The following COP1 variants were observed in gnomAD, a reference collection of about 807,000 sequenced individuals.
The protein encoded by COP1 is E3 ubiquitin-protein ligase COP1.
A neutral mutation model predicts 101.3 loss-of-function variants in COP1; 24 were observed. That is an observed-to-expected ratio of 0.24 (90% confidence interval 0.17 to 0.33). The LOEUF (loss-of-function observed/expected upper bound fraction) is 0.33. Among genes scored for constraint, COP1 ranks in the 10% least tolerant of loss-of-function variants. COP1 has a pLI of 1.00. For synonymous variants in COP1, 347 were observed against 341.9 expected, an observed-to-expected ratio of 1.01 and a Z score of -0.17; for missense variants, 663 against 906.2, an observed-to-expected ratio of 0.73 and a Z score of 3.45.
chr1:176,105,995 G>T (rs960600828), intron 9 of COP1, among the ~76,000 whole-genome samples: 57 of 152,070 alleles, frequency 3.7e-4, no homozygotes, highest in African/African-American at 1.2e-3. Context: ...AACTAACTTT[G>T]GGAGGAACTT....
intron 9 of COP1, among the ~76,000 whole-genome samples, chr1:176,104,737 T>A (rs1684021828): frequency 6.6e-6 from 1 of 152,128 alleles, no homozygotes; most frequent in Admixed American, 6.6e-5. Context: ...TGGAGGGTGG[T>A]TTATTTGGTA....
chr1:176,005,195 G>A (rs1298661743), intron 15 of COP1, among the ~76,000 whole-genome samples: 4 of 152,110 alleles, frequency 2.6e-5, no homozygotes, highest in Non-Finnish European at 5.9e-5. Flanking sequence ...GATCGGTGGT[G>A]ATATCCCGTT....
At chr1:176,048,213 T>TTC (rs1247914222) in intron 11 of COP1, among the ~76,000 whole-genome samples, 1 of 147,350 alleles carries the variant, frequency 6.8e-6, no homozygotes, top group African/African-American at 2.5e-5. Flanking sequence ...TTTTTTTTTT[T>TTC]ACAGAGATGG....
chr1:176,159,029 C>A (rs1226126739), intron 5 of COP1, among the ~76,000 whole-genome samples: 2 of 152,036 alleles, frequency 1.3e-5, no homozygotes, highest in East Asian at 3.8e-4. Context: ...AAAGCAACCA[C>A]TAAAAAGACA....
intron 3 of COP1, among the ~76,000 whole-genome samples, chr1:176,172,198 T>C (rs1199028518): frequency 2.0e-5 from 3 of 152,130 alleles, no homozygotes; most frequent in South Asian, 4.1e-4. Context: ...AACAGCTGCA[T>C]ACCAACACGC....
chr1:175,972,567 C>T (rs949027938), intron 18 of COP1, among the ~76,000 whole-genome samples: 9 of 150,000 alleles, frequency 6.0e-5, no homozygotes, highest in Non-Finnish European at 8.8e-5. Context: ...CGGGTTCAAG[C>T]GATTCTCCTG....
At chr1:176,096,749 A>T (rs1234940249) in intron 9 of COP1, among the ~76,000 whole-genome samples, 4 of 152,178 alleles carry the variant, frequency 2.6e-5, no homozygotes, top group African/African-American at 9.7e-5. Context: ...TAAAGTTTTA[A>T]CTATGAAAAA....
At chr1:176,009,635 G>C (rs1297304465) in intron 15 of COP1, among the ~76,000 whole-genome samples, 1 of 151,986 alleles carries the variant, frequency 6.6e-6, no homozygotes, top group East Asian at 1.9e-4. Flanking sequence ...TAACCAGTTT[G>C]GTATGTTGAG....
intron 18 of COP1, among the ~76,000 whole-genome samples, chr1:175,958,642 G>A (rs561444356): frequency 5.3e-5 from 8 of 150,652 alleles, no homozygotes; most frequent in African/African-American, 1.4e-4. Context: ...TAAGCATTAC[G>A]TTAAATTGAT....
intron 4 of COP1, 100 bp from the exon 5 acceptor site, chr1:176,163,088 T>C: frequency 3.4e-6 from 4 of 1,175,658 alleles, no homozygotes; most frequent in Non-Finnish European, 4.7e-6. Flanking sequence ...GCTCATTACA[T>C]AGATATCGAA....
chr1:176,202,569 C>T (rs1370284784), intron 1 of COP1, among the ~76,000 whole-genome samples: 3 of 151,706 alleles, frequency 2.0e-5, no homozygotes, highest in Admixed American at 6.6e-5. Flanking sequence ...GTGGTGGCAC[C>T]CGTCTCTAAT....
chr1:176,203,199 G>T (rs1345731218), intron 1 of COP1, among the ~76,000 whole-genome samples: 1 of 151,292 alleles, frequency 6.6e-6, no homozygotes, highest in East Asian at 1.9e-4. Flanking sequence ...TAGCCGGGCG[G>T]GGTGGCCGGC....
intron 15 of COP1, among the ~76,000 whole-genome samples, chr1:176,000,868 A>C (rs142697904): frequency 6.6e-6 from 1 of 151,992 alleles, no homozygotes; most frequent in Non-Finnish European, 1.5e-5. Flanking sequence ...TCTGGGGATT[A>C]TAATTGGCAT....
chr1:176,036,339 A>G (rs1475288144), intron 14 of COP1, among the ~76,000 whole-genome samples: 1 of 151,958 alleles, frequency 6.6e-6, no homozygotes, highest in East Asian at 1.9e-4. Context: ...AGAAAAATCA[A>G]CAAAACCAAA....
chr1:176,050,917 A>G (rs980461303), intron 11 of COP1, among the ~76,000 whole-genome samples: 1 of 152,242 alleles, frequency 6.6e-6, no homozygotes, highest in Non-Finnish European at 1.5e-5. Context: ...TGCAATTTCA[A>G]TTAGAACAAA....
chr1:176,092,113 A>C (rs1681437791), intron 9 of COP1, among the ~76,000 whole-genome samples: 1 of 152,152 alleles, frequency 6.6e-6, no homozygotes, highest in Non-Finnish European at 1.5e-5. Context: ...ACCTATTAAC[A>C]CAATGGGAGA....
chr1:176,078,753 A>G (rs1678549415), intron 11 of COP1, among the ~76,000 whole-genome samples: 1 of 152,064 alleles, frequency 6.6e-6, no homozygotes, highest in Non-Finnish European at 1.5e-5. Flanking sequence ...GCATCTGACA[A>G]AGGCCTAATC....
chr1:176,152,246 C>T (rs891445086), intron 5 of COP1, among the ~76,000 whole-genome samples: 1 of 151,460 alleles, frequency 6.6e-6, no homozygotes, highest in African/African-American at 2.4e-5. Context: ...GGTGAAAAAG[C>T]GAGACCTTCT....
chr1:176,009,617 A>C (rs1243870934), intron 15 of COP1, among the ~76,000 whole-genome samples: 1 of 152,178 alleles, frequency 6.6e-6, no homozygotes, highest in Non-Finnish European at 1.5e-5. Context: ...ACTGTATTGG[A>C]GTACTCATAA....
Sources: gnomAD v4.1 joint callset for allele counts (sites outside exome capture counted in the v4.1 genomes callset) on GRCh38, gnomAD v4.1.1 for gene constraint, MANE v1.5 for transcripts, NCBI Gene and HGNC (gene_info 2026-07-23, HGNC 2026-07-21) for gene names.